The following ATRNL1 variants were observed in gnomAD, a reference collection of about 807,000 sequenced individuals.
ATRNL1 encodes the protein attractin-like protein 1.
In ATRNL1, 95 loss-of-function variants were observed where a neutral mutation model predicts 182.7. That is an observed-to-expected ratio of 0.52 (90% CI 0.44 to 0.62). The LOEUF (loss-of-function observed/expected upper bound fraction) is 0.62, where lower values mean the gene tolerates loss of function less well. ATRNL1 is among the 20% of genes least tolerant of loss of function. The pLI is 0.00. For synonymous variants in ATRNL1, 576 were observed against 568.3 expected (o/e 1.01, Z -0.19); for missense variants, 1,471 against 1,679.5 (o/e 0.88, Z 2.17).
intron 19 of ATRNL1, among the ~76,000 whole-genome samples, chr10:115,379,934 C>T (rs1857898851): frequency 6.6e-6 from 1 of 152,242 alleles, no homozygotes; most frequent in Admixed American, 6.5e-5. Context: ...TCACACCCTT[C>T]TCTCGCCTCA....
chr10:115,629,382 TC>T (rs1264096089), intron 26 of ATRNL1, among the ~76,000 whole-genome samples: 10 of 152,104 alleles, frequency 6.6e-5, no homozygotes, highest in African/African-American at 2.4e-4. Context: ...CAATGTCTAT[TC>T]TACTCCAAGT....
At chr10:115,325,715 G>T (rs958833896) in intron 18 of ATRNL1, among the ~76,000 whole-genome samples, 1 of 152,064 alleles carries the variant, frequency 6.6e-6, no homozygotes, top group East Asian at 1.9e-4. Context: ...GTGGCATTTT[G>T]CTAGGGAACT....
At chr10:115,327,778 C>T (rs1854987341) in intron 18 of ATRNL1, among the ~76,000 whole-genome samples, 1 of 152,002 alleles carries the variant, frequency 6.6e-6, no homozygotes, top group South Asian at 2.1e-4. Flanking sequence ...AGTTCATGTC[C>T]TTTGTAGGGA....
In ATRNL1 at chr10:115,215,769, A is replaced by G. The variant is rs1554896072; in HGVS notation, c.1421A>G (p.Tyr474Cys). 2 of 1,610,404 alleles carry G rather than the reference A, an allele frequency of 1.2e-6. 1 individual carries two copies. Among genetic ancestry groups the G allele is most frequent in the Middle Eastern group, 3.3e-4 (2 of 6,040 alleles). The part of the protein sequence containing the change: ...VQGGYGHTSV[Y>C]DEITKSIYVH... ...GGTGGATATGGCCATACTAGTGTGT[A>G]TGATGAAATAACAAAGTCCATTTAT... The change falls in exon 9 of 29, where the codon TAT (tyrosine) becomes TGT (cysteine). Residue 474 changes from tyrosine (Y) to cysteine (C), a missense_variant. By Grantham distance (194) the Tyr-to-Cys change is radical. Around this residue, in one of 3 missense-constraint regions of ATRNL1, gnomAD observed 1,031 missense variants for 1,156.0 expected, o/e 0.89. Transcript: ENST00000355044.
chr10:115,397,472 G>C (rs1844345343), intron 20 of ATRNL1, among the ~76,000 whole-genome samples: 1 of 151,834 alleles, frequency 6.6e-6, no homozygotes, highest in South Asian at 2.1e-4. Flanking sequence ...GTACTTGTCT[G>C]TGTCCTTTAC....
chr10:115,315,138 C>G (rs1228756190), intron 17 of ATRNL1, among the ~76,000 whole-genome samples: 6 of 152,184 alleles, frequency 3.9e-5, no homozygotes, highest in African/African-American at 1.4e-4. Flanking sequence ...ATTGAATGTC[C>G]TTACGAGGCA....
intron 1 of ATRNL1, among the ~76,000 whole-genome samples, chr10:115,114,887 T>C (rs1335815220): frequency 2.6e-5 from 4 of 151,830 alleles, no homozygotes; most frequent in Non-Finnish European, 5.9e-5. Context: ...TGAGTATATA[T>C]CCAAAGGAAT....
chr10:115,534,972 G>C (rs1851873696), intron 25 of ATRNL1, among the ~76,000 whole-genome samples: 1 of 152,198 alleles, frequency 6.6e-6, no homozygotes, highest in Non-Finnish European at 1.5e-5. Context: ...TCTGCTGAGA[G>C]ATCCGCTGTT....
chr10:115,756,144 G>A (rs1352864621), intron 27 of ATRNL1, among the ~76,000 whole-genome samples: 8 of 151,940 alleles, frequency 5.3e-5, no homozygotes, highest in Non-Finnish European at 1.2e-4. Flanking sequence ...TTTTTTTGAA[G>A]GGTTTTTCCT....
Position 115,202,973 on chromosome 10 carries a change from G to A in ATRNL1, c.1349-12724G>A, listed in dbSNP as rs536188002. Reference sequence around the variant, plus strand: ...GGTTTAGTCTTGGGAGAGTGTATGTGTCGAGGAATTTATCCATTTCTTCTA... The same window carrying A: ...GGTTTAGTCTTGGGAGAGTGTATGTATCGAGGAATTTATCCATTTCTTCTA... On this transcript the variant is annotated intron_variant, in intron 8 of 28. Coordinates refer to ENST00000355044, the MANE Select transcript of ATRNL1 (RefSeq NM_207303.4). 8.3e-3 allele frequency among the ~76,000 whole-genome samples: 1,253 copies of A among 151,698 alleles called. 13 individuals carry two copies. Among genetic ancestry groups the A allele is most frequent in the African/African-American group, 0.028 (1,143 of 41,324 alleles).
chr10:115,174,095 A>G (rs1328022699), intron 8 of ATRNL1, among the ~76,000 whole-genome samples: 1 of 151,424 alleles, frequency 6.6e-6, no homozygotes, highest in Non-Finnish European at 1.5e-5. Context: ...CCTCTATGCT[A>G]CTTGTTTCTC....
At chr10:115,654,373 C>G (rs1426260174) in intron 26 of ATRNL1, among the ~76,000 whole-genome samples, 1 of 151,920 alleles carries the variant, frequency 6.6e-6, no homozygotes, top group Non-Finnish European at 1.5e-5. Context: ...CACCCGCCAC[C>G]ACACCTGGCT....
chr10:115,199,339 G>T (rs1296721801), intron 8 of ATRNL1, among the ~76,000 whole-genome samples: 2 of 151,906 alleles, frequency 1.3e-5, no homozygotes, highest in African/African-American at 2.4e-5. Context: ...GGCCAAGATG[G>T]GCGGATCACA....
intron 28 of ATRNL1, among the ~76,000 whole-genome samples, chr10:115,921,584 A>C (rs1305208823): frequency 5.3e-5 from 8 of 152,212 alleles, no homozygotes; most frequent in Admixed American, 5.2e-4. Flanking sequence ...ATAGTTTGAT[A>C]ATACAGCCCA....
chr10:115,129,389 C>G lies in ATRNL1; in HGVS notation c.683C>G (p.Pro228Arg). ...AAGTGTACAACTAGTGTCTCTGTTC[C>G]AAGTCAAGTATATTGTGAATGTGAT... ...HGKCTTSVSV[P>R]SQVYCECDKY... Residue 228 changes from proline (P) to arginine (R), a missense_variant, in exon 5 of 29, where the codon CCA (proline) becomes CGA (arginine). Pro to Arg is a moderately radical substitution (Grantham distance 103). Around this residue, in one of 3 missense-constraint regions of ATRNL1, gnomAD observed 1,031 missense variants for 1,156.0 expected, o/e 0.89. Coordinates refer to ENST00000355044, the MANE Select transcript of ATRNL1 (RefSeq NM_207303.4). 1 of 1,613,850 alleles carries G rather than the reference C, an allele frequency of 6.2e-7. No individual in the cohort carries two copies. The highest frequency in any genetic ancestry group is 8.5e-7 in the Non-Finnish European group (1 of 1,179,854).
intron 20 of ATRNL1, among the ~76,000 whole-genome samples, chr10:115,410,617 CCT>C (rs1226597970): frequency 1.3e-5 from 2 of 151,456 alleles, no homozygotes; most frequent in East Asian, 1.9e-4. Flanking sequence ...CCGCACCTGG[CCT>C]CTCTCTCTCT....
chr10:115,393,640 G>A (rs1248831029), intron 19 of ATRNL1, among the ~76,000 whole-genome samples: 2 of 152,092 alleles, frequency 1.3e-5, no homozygotes, highest in Non-Finnish European at 2.9e-5. Context: ...AGAATTAATT[G>A]TAACCTGGAA....
chr10:115,552,697 A>T (rs1488416704), intron 26 of ATRNL1, among the ~76,000 whole-genome samples: 2 of 151,302 alleles, frequency 1.3e-5, no homozygotes, highest in African/African-American at 4.8e-5. Flanking sequence ...CTTTTGAATA[A>T]CACCCCTGAG....
chr10:115,650,125 A>G (rs1647090594), intron 26 of ATRNL1, among the ~76,000 whole-genome samples: 1 of 152,102 alleles, frequency 6.6e-6, no homozygotes, highest in Admixed American at 6.6e-5. Flanking sequence ...AGAAAGCCTT[A>G]TTAACATGGC....
Sources: allele counts gnomAD v4.1 joint callset (sites outside exome capture counted in the v4.1 genomes callset), GRCh38; gene constraint gnomAD v4.1.1; regional missense constraint gnomAD v4.1.1; transcripts MANE v1.5; gene names NCBI Gene and HGNC (gene_info 2026-07-23, HGNC 2026-07-21).